The following EPSTI1 variants were observed in gnomAD, a reference collection of about 807,000 sequenced individuals.
The protein encoded by EPSTI1 is epithelial stromal interaction 1.
EPSTI1 carries 66 observed loss-of-function variants against 49.9 expected under a neutral mutation model. The observed-to-expected ratio is 1.32, with a 90% CI of 1.08 to 1.62. EPSTI1 has a LOEUF of 1.62. Ranked by LOEUF, EPSTI1 falls within the 40% of genes most tolerant of loss-of-function variation. EPSTI1 has a pLI of 0.00. For synonymous variants in EPSTI1, 137 were observed against 130.7 expected, an observed-to-expected ratio of 1.05 and a Z score of -0.33; for missense variants, 394 against 365.5, an observed-to-expected ratio of 1.08 and a Z score of -0.64.
chr13:42,941,871 A>C (rs2153425693), intron 6 of EPSTI1, among the ~76,000 whole-genome samples: 1 of 152,210 alleles, frequency 6.6e-6, no homozygotes, highest in South Asian at 2.1e-4. Context: ...TTATGTCTAT[A>C]CAATTATGCT....
intron 9 of EPSTI1, 142 bp downstream of exon 9, chr13:42,900,168 C>A: frequency 1.4e-6 from 1 of 714,406 alleles, no homozygotes; most frequent in South Asian, 1.7e-5. Context: ...CTACATATAT[C>A]ACGTCCCAAT....
chr13:42,938,017 T>C (rs1170418850), intron 6 of EPSTI1, among the ~76,000 whole-genome samples: 2 of 152,164 alleles, frequency 1.3e-5, no homozygotes, highest in Admixed American at 6.5e-5. Flanking sequence ...TTAGCAAGCA[T>C]GAAAACATTA....
intron 1 of EPSTI1, among the ~76,000 whole-genome samples, chr13:42,977,410 A>G (rs2039901425): frequency 6.6e-6 from 1 of 152,246 alleles, no homozygotes; most frequent in African/African-American, 2.4e-5. Context: ...GTTAGGTAAA[A>G]TTATGTGATT....
At chr13:42,960,189 C>G (rs531033305) in intron 5 of EPSTI1, among the ~76,000 whole-genome samples, 1 of 152,016 alleles carries the variant, frequency 6.6e-6, no homozygotes, top group Admixed American at 6.6e-5. Flanking sequence ...ATATGTAGAT[C>G]GAAGGCAGAA....
In EPSTI1 at chr13:42,970,618, G is replaced by A. The variant is rs990943679; in HGVS notation, c.241C>T (p.Gln81Ter). 4 of 1,608,894 alleles carry A rather than the reference G, an allele frequency of 2.5e-6. No homozygotes were observed. The highest frequency in any genetic ancestry group is 3.4e-6 in the Non-Finnish European group (4 of 1,177,886). ...AATGAATGACTATACATACTTCTTT[G>A]TATCTCATTTCTCCGGTTTATATTT... ...APNINRRNEIQRIAEQELANL... is the reference protein window; with the variant it reads ...APNINRRNEI The change falls in exon 2 of 11, where the codon CAA (glutamine) becomes TAA (stop). Residue 81 changes from glutamine to a stop codon, truncating the protein, a stop_gained. Transcript: ENST00000313624. LOFTEE classifies it high-confidence loss of function.
rs115233312 is a variant in EPSTI1, at chr13:42,922,327, G to T, written c.657+4009C>A. On this transcript the variant is annotated intron_variant, in intron 7 of 10. Coordinates refer to ENST00000313624, the MANE Select transcript of EPSTI1 (RefSeq NM_033255.5). This position sits in a 1 kb window ranked among gnomAD's most constrained non-coding sequence, Gnocchi z 4.8. ...GGGACTTTGCAGAAATTAAGGATCTGGAAGTGGAGAGATTAGCCTGGATAG... is the reference window on the plus strand; with the variant it reads ...GGGACTTTGCAGAAATTAAGGATCTTGAAGTGGAGAGATTAGCCTGGATAG... 8.0e-3 allele frequency among the ~76,000 whole-genome samples: 1,213 copies of T among 152,298 alleles called. 18 individuals are homozygous for T. Among genetic ancestry groups the T allele is most frequent in the African/African-American group, 0.028 (1,166 of 41,548 alleles).
At chr13:42,968,487 G>C (rs1165996532) in intron 3 of EPSTI1, among the ~76,000 whole-genome samples, 1 of 152,090 alleles carries the variant, frequency 6.6e-6, no homozygotes, top group East Asian at 1.9e-4. Flanking sequence ...GAAAAGATGT[G>C]AATGATTCCC....
chr13:42,945,966 T>C (rs1342089262), intron 6 of EPSTI1, among the ~76,000 whole-genome samples: 1 of 152,226 alleles, frequency 6.6e-6, no homozygotes, highest in African/African-American at 2.4e-5. Context: ...TAGCATAAGA[T>C]AGAAAGTTAT....
At chr13:42,889,618 T>G (rs10492661) in intron 10 of EPSTI1, among the ~76,000 whole-genome samples, 9,833 of 152,282 alleles carry the variant, frequency 0.065, 404 homozygotes, top group Admixed American at 0.091. Flanking sequence ...TATCCTTAAT[T>G]TAATAGTAAT....
intron 1 of EPSTI1, among the ~76,000 whole-genome samples, chr13:42,982,807 G>T (rs1263457727): frequency 6.6e-6 from 1 of 152,140 alleles, no homozygotes; most frequent in Non-Finnish European, 1.5e-5. Context: ...AAATTTCTCT[G>T]ACCTTCCTCT....
At chr13:42,963,362 GA>G in intron 4 of EPSTI1, 24 bp from the exon 5 acceptor site, 1 of 1,564,130 alleles carries the variant, frequency 6.4e-7, no homozygotes, top group Non-Finnish European at 8.7e-7. Flanking sequence ...AAATTACAGA[GA>G]ACAAAAACAG....
intron 1 of EPSTI1, among the ~76,000 whole-genome samples, chr13:42,975,706 C>T (rs529094912): frequency 3.3e-5 from 5 of 152,122 alleles, no homozygotes; most frequent in Non-Finnish European, 7.4e-5. Context: ...CAAATCACAC[C>T]TTAGCTGGGC....
At chr13:42,917,141 C>T (rs1464197435) in intron 8 of EPSTI1, among the ~76,000 whole-genome samples, 1 of 152,206 alleles carries the variant, frequency 6.6e-6, no homozygotes, top group Non-Finnish European at 1.5e-5. Flanking sequence ...ATGCCAGTTT[C>T]ATAACTTTGC....
intron 6 of EPSTI1, among the ~76,000 whole-genome samples, chr13:42,937,632 T>C (rs1231991699): frequency 2.0e-5 from 3 of 152,242 alleles, no homozygotes; most frequent in East Asian, 1.9e-4. Context: ...CCTCATCCGT[T>C]GAAGTTTGAT....
chr13:42,916,466 C>T (rs1470544516), intron 8 of EPSTI1, among the ~76,000 whole-genome samples: 1 of 152,132 alleles, frequency 6.6e-6, no homozygotes, highest in East Asian at 1.9e-4. Flanking sequence ...GGGTTCCACA[C>T]TGTTGGGAAG....
chr13:42,961,184 C>A (rs2039438024), intron 5 of EPSTI1, among the ~76,000 whole-genome samples: 1 of 152,102 alleles, frequency 6.6e-6, no homozygotes, highest in Admixed American at 6.6e-5. Flanking sequence ...TAAGAAAATA[C>A]CTTTTTCATT....
At chr13:42,954,478 C>T (rs1467212637) in intron 5 of EPSTI1, among the ~76,000 whole-genome samples, 1 of 152,180 alleles carries the variant, frequency 6.6e-6, no homozygotes, top group African/African-American at 2.4e-5. Flanking sequence ...GACAACCCAA[C>T]TCCCTTCTGA....
intron 6 of EPSTI1, among the ~76,000 whole-genome samples, chr13:42,935,726 G>A (rs2038539761): frequency 6.6e-6 from 1 of 152,004 alleles, no homozygotes; most frequent in African/African-American, 2.4e-5. Flanking sequence ...TGAGTAGCTG[G>A]GATTACAGGC....
intron 7 of EPSTI1, among the ~76,000 whole-genome samples, chr13:42,923,217 G>C (rs2038069103): frequency 6.6e-6 from 1 of 152,218 alleles, no homozygotes; most frequent in African/African-American, 2.4e-5. Context: ...ATTTGGGGAA[G>C]TGAAACACCA....
Sources: gnomAD v4.1 joint callset for allele counts (sites outside exome capture counted in the v4.1 genomes callset) on GRCh38, gnomAD v4.1.1 for gene constraint, Gnocchi (gnomAD v3.1) non-coding constraint, MANE v1.5 for transcripts, NCBI Gene and HGNC (gene_info 2026-07-23, HGNC 2026-07-21) for gene names.